The following DOCK3 variants were observed in gnomAD, a reference collection of about 807,000 sequenced individuals.
DOCK3 encodes dedicator of cytokinesis 3.
A neutral mutation model predicts 265.6 loss-of-function variants in DOCK3; 60 were observed. The observed-to-expected ratio is 0.23, with a 90% CI of 0.18 to 0.28. The LOEUF is 0.28. DOCK3 is among the 10% of genes least tolerant of loss of function. The pLI, the probability that DOCK3 is intolerant of heterozygous loss-of-function variation, is 1.00. For missense variants in DOCK3, 1,981 were observed against 2,594.3 expected (o/e 0.76, Z 5.14); for synonymous variants, 881 against 938.0 (o/e 0.94, Z 1.11).
At chr3:50,893,597 G>C (rs2048745613) in intron 4 of DOCK3, among the ~76,000 whole-genome samples, 1 of 151,766 alleles carries the variant, frequency 6.6e-6, no homozygotes, top group Non-Finnish European at 1.5e-5. Context: ...AAAGAGGGAA[G>C]AAATCCTAAG....
chr3:50,902,829 G>A (rs1444430380), intron 4 of DOCK3, among the ~76,000 whole-genome samples: 1 of 152,162 alleles, frequency 6.6e-6, no homozygotes, highest in Non-Finnish European at 1.5e-5. Flanking sequence ...TGTTCCATTT[G>A]TGTTCTCTCT....
intron 5 of DOCK3, among the ~76,000 whole-genome samples, chr3:50,989,554 C>T (rs1212388273): frequency 2.0e-5 from 3 of 152,320 alleles, no homozygotes; most frequent in South Asian, 4.1e-4. Flanking sequence ...ACCTCTCTTA[C>T]ATACCCACCT....
At chr3:51,239,198 T>TA (rs1245513822) in intron 21 of DOCK3, among the ~76,000 whole-genome samples, 5 of 131,138 alleles carry the variant, frequency 3.8e-5, no homozygotes, top group East Asian at 2.3e-4. Flanking sequence ...TAAAGCGTAC[T>TA]TTTTATTTAT....
chr3:51,255,478 A>G (rs909527108), intron 22 of DOCK3, among the ~76,000 whole-genome samples: 2 of 152,046 alleles, frequency 1.3e-5, no homozygotes, highest in African/African-American at 2.4e-5. Flanking sequence ...ACTTGGTTCC[A>G]TTCTCCCCGT....
intron 7 of DOCK3, among the ~76,000 whole-genome samples, chr3:51,087,828 G>A (rs2082485654): frequency 6.6e-6 from 1 of 152,076 alleles, no homozygotes. Context: ...CAGCCACTAT[G>A]GAAAACAGTA....
chr3:51,172,412 G>A (rs909230077), intron 12 of DOCK3, among the ~76,000 whole-genome samples: 6 of 152,232 alleles, frequency 3.9e-5, no homozygotes, highest in Admixed American at 3.9e-4. Flanking sequence ...TCCTGACCTC[G>A]TCATCTGCCC....
At chr3:50,781,267 CTTT>C (rs34844040) in intron 2 of DOCK3, among the ~76,000 whole-genome samples, 3 of 120,484 alleles carry the variant, frequency 2.5e-5, no homozygotes, top group Non-Finnish European at 3.3e-5. Context: ...TATAGTAGTT[CTTT>C]TTTTTTTTTT....
intron 9 of DOCK3, among the ~76,000 whole-genome samples, chr3:51,140,856 C>T (rs986224600): frequency 3.3e-5 from 5 of 152,078 alleles, no homozygotes; most frequent in Non-Finnish European, 5.9e-5. Flanking sequence ...CTAATGATGC[C>T]GAACATCTTT....
chr3:51,106,543 C>T (rs1250878955), intron 9 of DOCK3, among the ~76,000 whole-genome samples: 5 of 152,198 alleles, frequency 3.3e-5, no homozygotes, highest in South Asian at 4.1e-4. Context: ...CCTGCCACAC[C>T]GCCATTGTTT....
At chr3:51,371,910 C>G (rs1485892066) in intron 49 of DOCK3, among the ~76,000 whole-genome samples, 3 of 152,280 alleles carry the variant, frequency 2.0e-5, no homozygotes, top group East Asian at 1.9e-4. Context: ...AGACAGTATA[C>G]AAGGTTCCAA....
At chr3:50,856,596 T>G (rs765781395) in intron 3 of DOCK3, among the ~76,000 whole-genome samples, 1 of 152,234 alleles carries the variant, frequency 6.6e-6, no homozygotes, top group South Asian at 2.1e-4. Context: ...TTAGACCTTT[T>G]GTCAGATGGA....
chr3:50,999,239 A>G (rs182674573), intron 5 of DOCK3, among the ~76,000 whole-genome samples: 3 of 152,370 alleles, frequency 2.0e-5, no homozygotes, highest in Admixed American at 6.5e-5. Flanking sequence ...ATTATTTCAT[A>G]TATTGTCAGT....
chr3:51,022,101 T>C (rs1410230187), intron 5 of DOCK3, among the ~76,000 whole-genome samples: 1 of 152,232 alleles, frequency 6.6e-6, no homozygotes, highest in Non-Finnish European at 1.5e-5. Context: ...TAGAAATTTG[T>C]ATTTATTTTT....
At chr3:50,948,110 G>A (rs1056434976) in intron 5 of DOCK3, among the ~76,000 whole-genome samples, 44 of 147,904 alleles carry the variant, frequency 3.0e-4, no homozygotes, top group African/African-American at 1.1e-3. Context: ...AGGCTGGAGT[G>A]CAGTGGCGCG....
chr3:50,999,183 T>G lies in DOCK3; in HGVS notation c.315+65106T>G, dbSNP rs2078386403. 2.0e-5 allele frequency among the ~76,000 whole-genome samples: 3 copies of G among 152,322 alleles called. No homozygotes were observed. In the South Asian group the frequency reaches 6.2e-4, roughly 32 times the overall value. On this transcript the variant is annotated intron_variant, in intron 5 of 52. Transcript: ENST00000266037. ...ATTTAGCAGAAAATGACAACCAAAA[T>G]GGGAAATCTTTGCCCAACCTGTTAA... is the stretch of plus-strand genomic sequence containing the variant.
intron 7 of DOCK3, among the ~76,000 whole-genome samples, chr3:51,081,467 A>G (rs993541557): frequency 2.0e-5 from 3 of 152,236 alleles, no homozygotes; most frequent in Non-Finnish European, 4.4e-5. Context: ...AATTTTGAAT[A>G]ATAATTATCA....
rs1247047535 is a variant in DOCK3, at chr3:50,973,384, C to T, written c.315+39307C>T. Among the ~76,000 whole-genome samples, 52 of 142,020 alleles carry T rather than the reference C, an allele frequency of 3.7e-4. No individual in the cohort carries two copies. The South Asian group carries it at 0.011, about 30-fold the overall frequency. 93.2% of individuals were successfully genotyped at this position (142,020 alleles called of 152,430 possible). A position where few individuals can be genotyped will look rare whatever the true frequency, so the allele number is the denominator to read the frequency against. ...ATTCCCACCTATGAGTGAGAATATG[C>T]GGTGTTTGGTTTTTTGTTCTTGCGA... is the stretch of plus-strand genomic sequence containing the variant. On this transcript the variant is annotated intron_variant, in intron 5 of 52. Coordinates refer to ENST00000266037, the MANE Select transcript of DOCK3 (RefSeq NM_004947.5).
intron 3 of DOCK3, among the ~76,000 whole-genome samples, chr3:50,874,022 G>C (rs2047566911): frequency 7.0e-6 from 1 of 142,258 alleles, no homozygotes; most frequent in Non-Finnish European, 1.5e-5. Flanking sequence ...ACTTGCCTGA[G>C]TTTTGGTTTT....
At chr3:51,338,316 G>A (rs947479873) in intron 35 of DOCK3, 43 bp from the exon 36 acceptor site, 5 of 1,549,500 alleles carry the variant, frequency 3.2e-6, no homozygotes, top group Non-Finnish European at 4.4e-6. Flanking sequence ...TTGTCTCAAG[G>A]CCCCACTTCA....
Sources: allele counts gnomAD v4.1 joint callset (sites outside exome capture counted in the v4.1 genomes callset), GRCh38; gene constraint gnomAD v4.1.1; transcripts MANE v1.5; gene names NCBI Gene and HGNC (gene_info 2026-07-23, HGNC 2026-07-21).